Variants in REEP5 observed in about 807,000 individuals in gnomAD.
REEP5 encodes the protein receptor accessory protein 5, also known as receptor expression-enhancing protein 5.
In REEP5, 24 loss-of-function variants were observed where a neutral mutation model predicts 22.4. The ratio of observed to expected loss-of-function variants is 1.07; its 90% confidence interval spans 0.78 to 1.51. The LOEUF (loss-of-function observed/expected upper bound fraction) is 1.51. REEP5 is among the 40% of genes most tolerant of loss of function. The pLI is 0.00. For synonymous variants in REEP5, 103 were observed against 88.6 expected, an observed-to-expected ratio of 1.16 and a Z score of -0.92; for missense variants, 252 against 233.0, an observed-to-expected ratio of 1.08 and a Z score of -0.53.
chr5:112,885,209 G>C (rs932514065), intron 4 of REEP5: 1 of 168,454 alleles, frequency 5.9e-6, no homozygotes, highest in Non-Finnish European at 1.3e-5. Context: ...TGAGTGCTGT[G>C]GGGGTGGGGA....
rs375682497 is a variant in REEP5, at chr5:112,900,682, GC to G, written c.351+1697del. Among the ~76,000 whole-genome samples the G allele has an allele frequency of 6.1e-4, 93 of 152,008 alleles. 1 individual carries two copies. The East Asian group carries it at 0.017, about 27-fold the overall frequency. ...TAACTATGGTTCCTGTGTGCCTGGG[GC>G]CCCCCACTCCTAGGACTCATCCACC... On this transcript the variant is annotated intron_variant, in intron 3 of 4. Coordinates refer to ENST00000379638, the MANE Select transcript of REEP5 (RefSeq NM_005669.5).
chr5:112,921,548 T>C (rs1769368142), intron 1 of REEP5: 34 of 451,154 alleles, frequency 7.5e-5, no homozygotes, highest in South Asian at 7.5e-4. Flanking sequence ...GGCACCCGCT[T>C]CCGCCCTCTC....
At chr5:112,891,548 A>C in intron 3 of REEP5, 1 of 1,508,300 alleles carries the variant, frequency 6.6e-7, no homozygotes, top group Non-Finnish European at 9.0e-7. Flanking sequence ...AATATTCATA[A>C]GTAGAATCAC....
intron 2 of REEP5, among the ~76,000 whole-genome samples, chr5:112,916,298 G>C (rs1769231129): frequency 6.6e-6 from 1 of 151,930 alleles, no homozygotes; most frequent in Non-Finnish European, 1.5e-5. Context: ...TTTCTGATCT[G>C]ACCTCGATAG....
At position 112,921,244 on chromosome 5, in the gene REEP5, A is replaced by G. The variant is rs769163560; in HGVS notation, c.131T>C (p.Leu44Pro). ...RSFIALGVIG[L>P]VALYLVFGYG... ...ACCGAACACCAGGTACAAGGCCACC[A>G]GTCCGATGACACCTGGGGACCACAA... The change falls in exon 2 of 5, where the codon CTG (leucine) becomes CCG (proline). Residue 44 changes from leucine (L) to proline (P), a missense_variant. Coordinates refer to ENST00000379638, the MANE Select transcript of REEP5 (RefSeq NM_005669.5). 16 of 1,614,060 alleles carry G rather than the reference A, an allele frequency of 9.9e-6. No individual in the cohort carries two copies. Among genetic ancestry groups the G allele is most frequent in the Non-Finnish European group, 1.3e-5 (15 of 1,180,030 alleles).
At chr5:112,908,790 C>T (rs1342159637) in intron 2 of REEP5, among the ~76,000 whole-genome samples, 2 of 151,166 alleles carry the variant, frequency 1.3e-5, no homozygotes, top group African/African-American at 4.9e-5. Context: ...CTCCTGACCT[C>T]GTGATCCGCC....
intron 2 of REEP5, among the ~76,000 whole-genome samples, chr5:112,912,832 C>A (rs1231735551): frequency 1.3e-5 from 2 of 152,106 alleles, no homozygotes; most frequent in Non-Finnish European, 2.9e-5. Context: ...AAGAATCAGA[C>A]ATTTTAAGAC....
chr5:112,919,881 T>C (rs1769313759), intron 2 of REEP5, among the ~76,000 whole-genome samples: 1 of 152,198 alleles, frequency 6.6e-6, no homozygotes, highest in Non-Finnish European at 1.5e-5. Flanking sequence ...AACATGGATT[T>C]TGATGCTACT....
intron 3 of REEP5, among the ~76,000 whole-genome samples, chr5:112,898,799 A>C (rs1768771567): frequency 6.6e-6 from 1 of 152,240 alleles, no homozygotes. Flanking sequence ...TATTTTTATA[A>C]ATGTTAAATG....
intron 4 of REEP5, among the ~76,000 whole-genome samples, chr5:112,884,266 C>T (rs1768163846): frequency 6.6e-6 from 1 of 152,194 alleles, no homozygotes; most frequent in South Asian, 2.1e-4. Context: ...CAACTTCTTC[C>T]ACCTCATCTC....
rs1385896956 is a variant in REEP5, at chr5:112,876,432, G to A, written c.*2354C>T. 1.3e-5 allele frequency: 2 copies of A among 152,162 alleles called. No individual in the cohort carries two copies. The highest frequency in any genetic ancestry group is 2.9e-5 in the Non-Finnish European group (2 of 68,034). 9.4% of individuals were successfully genotyped at this position (152,162 alleles called of 1,614,324 possible). A position where few individuals can be genotyped will look rare whatever the true frequency, so the allele number is the denominator to read the frequency against. On this transcript the variant is annotated 3_prime_UTR_variant, in exon 5 of 5. Coordinates refer to ENST00000379638, the MANE Select transcript of REEP5 (RefSeq NM_005669.5). ...TTACATCTATTTATTTCCATTCAGT[G>A]TATCACATCTTCAGGATAGGTGATA...
intron 4 of REEP5, among the ~76,000 whole-genome samples, chr5:112,885,950 C>A (rs1768229598): frequency 2.0e-5 from 3 of 152,204 alleles, no homozygotes; most frequent in Non-Finnish European, 4.4e-5. Context: ...CAGCCACTGC[C>A]CGAAGCCATC....
At chr5:112,884,185 CAT>C (rs1160618629) in intron 4 of REEP5, among the ~76,000 whole-genome samples, 2 of 152,162 alleles carry the variant, frequency 1.3e-5, no homozygotes, top group Admixed American at 1.3e-4. Context: ...CCACATCTCA[CAT>C]AGAGTAGAAG....
chr5:112,892,267 A>G, intron 3 of REEP5: 2 of 1,614,148 alleles, frequency 1.2e-6, no homozygotes, highest in Non-Finnish European at 1.7e-6. Context: ...TATTAAGAGC[A>G]TGTTTACAAC....
chr5:112,893,043 T>C (rs761988975), intron 3 of REEP5: 3 of 1,447,506 alleles, frequency 2.1e-6, no homozygotes, highest in South Asian at 1.1e-5. Flanking sequence ...AGTCGGGTAA[T>C]AGAGACAGAA....
rs757695211 is a variant in REEP5 at position 112,878,836 on chromosome 5, C to CTGTT, written c.521-5_521-2dup. Reference sequence around the variant, plus strand: ...AGTAAATTCACGGTAGCTTTCTTCGCTGTTTGTTTGTTAGGAGGGAAAGAA... The same window carrying CTGTT: ...AGTAAATTCACGGTAGCTTTCTTCGCTGTTTGTTTGTTTGTTAGGAGGGAAAGAA... On this transcript the variant is annotated splice_acceptor_variant, in intron 4 of 4. Coordinates refer to ENST00000379638, the MANE Select transcript of REEP5 (RefSeq NM_005669.5). LOFTEE classifies it high-confidence loss of function. The CTGTT allele has an allele frequency of 1.6e-5, 26 of 1,613,832 alleles. No homozygotes were observed. The highest frequency in any genetic ancestry group is 8.3e-5 in the Admixed American group (5 of 59,964).
At position 112,878,498 on chromosome 5, in the gene REEP5, T is replaced by TTTAAG. The variant is rs1341031006; in HGVS notation, c.*283_*287dup. On this transcript the variant is annotated 3_prime_UTR_variant, in exon 5 of 5. Transcript: ENST00000379638. ...CAGCCTGTGGGGTATATAATTTTAT[T>TTTAAG]TTAAGTTTATATTTCCTGCAGGATA... 5 of 397,386 alleles carry TTTAAG rather than the reference T, an allele frequency of 1.3e-5. No homozygotes were observed. Among genetic ancestry groups the TTTAAG allele is most frequent in the Non-Finnish European group, 8.9e-6 (2 of 224,250 alleles). 24.6% of individuals were successfully genotyped at this position (397,386 alleles called of 1,614,324 possible).
rs912011450 is a variant in REEP5 at position 112,902,303 on chromosome 5, C to T, written c.351+77G>A. The T allele has an allele frequency of 5.7e-6, 8 of 1,393,740 alleles. No individual in the cohort carries two copies. The African/African-American group carries it at 1.2e-4, about 20-fold the overall frequency. 86.3% of individuals were successfully genotyped at this position (1,393,740 alleles called of 1,614,324 possible). On this transcript the variant is annotated intron_variant, in intron 3 of 4. Coordinates refer to ENST00000379638, the MANE Select transcript of REEP5 (RefSeq NM_005669.5). ...AATCTGAGACAGAGCCACAGATGCA[C>T]AACATTCAAGCATTTATTCCTACTT...
At chr5:112,893,239 A>G (rs1768556637) in intron 3 of REEP5, 1 of 310,066 alleles carries the variant, frequency 3.2e-6, no homozygotes, top group African/African-American at 2.2e-5. Context: ...GCAAAACCCC[A>G]TTTCTACTAA....
Sources: gnomAD v4.1 joint callset for allele counts (sites outside exome capture counted in the v4.1 genomes callset) on GRCh38, gnomAD v4.1.1 for gene constraint, MANE v1.5 for transcripts, NCBI Gene and HGNC (gene_info 2026-07-23, HGNC 2026-07-21) for gene names.